The following ABCA12 variants were observed in gnomAD, a reference collection of about 807,000 sequenced individuals.
ABCA12 encodes ATP binding cassette subfamily A member 12, also known as glucosylceramide transporter ABCA12.
ABCA12 carries 156 observed loss-of-function variants against 293.5 expected under a neutral mutation model. The ratio of observed to expected loss-of-function variants is 0.53; its 90% CI spans 0.47 to 0.61. The LOEUF (loss-of-function observed/expected upper bound fraction) is 0.61. Among genes scored for constraint, ABCA12 ranks in the 20% least tolerant of loss-of-function variants. ABCA12 has a pLI of 0.00. For missense variants in ABCA12, 2,797 were observed against 3,090.2 expected, an observed-to-expected ratio of 0.91 and a Z score of 2.25; for synonymous variants, 1,063 against 1,108.0, an observed-to-expected ratio of 0.96 and a Z score of 0.81.
chr2:214,980,629 G>T lies in ABCA12; in HGVS notation c.4594C>A (p.Leu1532Met). The T allele has an allele frequency of 1.9e-6, 3 of 1,614,130 alleles. No homozygotes were observed. Among genetic ancestry groups the T allele is most frequent in the Non-Finnish European group, 2.5e-6 (3 of 1,179,974 alleles). ...SKNKTARTII[L>M]STHHLDEAEV... ...GCCTCGTCCAAGTGGTGCGTTGACA[G>T]AATGATTGTTCTGGCTTGAAAATAC... is the stretch of plus-strand genomic sequence containing the variant. The change falls in exon 31 of 53, where the codon CTG (leucine) becomes ATG (methionine). Residue 1532 changes from leucine to methionine, a missense_variant. Leu to Met is a conservative substitution (Grantham distance 15). Coordinates refer to ENST00000272895, the MANE Select transcript of ABCA12 (RefSeq NM_173076.3).
intron 39 of ABCA12, chr2:214,960,740 T>G (rs540395459): frequency 6.6e-6 from 1 of 152,206 alleles, no homozygotes; most frequent in African/African-American, 2.4e-5. Flanking sequence ...CTGCTTCTAA[T>G]GCAACAAAGT....
At chr2:214,993,586 G>C (rs1041941869) in intron 23 of ABCA12, among the ~76,000 whole-genome samples, 2 of 152,084 alleles carry the variant, frequency 1.3e-5, no homozygotes, top group Non-Finnish European at 2.9e-5. Flanking sequence ...AATTAAGTGG[G>C]GAGTTATGGA....
chr2:214,987,702 C>G lies in ABCA12; in HGVS notation c.3921G>C (p.Lys1307Asn). 2 of 1,614,028 alleles carry G rather than the reference C, an allele frequency of 1.2e-6. No individual in the cohort carries two copies. The highest frequency in any genetic ancestry group is 1.1e-5 in the South Asian group (1 of 91,056). Residue 1307 changes from lysine to asparagine, a missense_variant, in exon 27 of 53, where the codon AAG becomes AAC. By Grantham distance (94) the Lys-to-Asn change is moderately conservative (BLOSUM62 0). Transcript: ENST00000272895. ...RFGCAEVKPEKSNGLMFTNIM... is the reference protein window; with the variant it reads ...RFGCAEVKPENSNGLMFTNIM... ...TGTTAGTAAACATGAGGCCATTGCTCTTCTCAGGCTTCACCTCTGCACACC... is the reference window on the plus strand; with the variant it reads ...TGTTAGTAAACATGAGGCCATTGCTGTTCTCAGGCTTCACCTCTGCACACC...
At chr2:215,075,827 T>C (rs1701823674) in intron 2 of ABCA12, 1 of 452,402 alleles carries the variant, frequency 2.2e-6, no homozygotes, top group African/African-American at 2.0e-5. Context: ...TTGTGTGCTA[T>C]GGTGTAAAAC....
chr2:215,051,280 G>C (rs1008106811), intron 5 of ABCA12, among the ~76,000 whole-genome samples: 1 of 152,080 alleles, frequency 6.6e-6, no homozygotes, highest in African/African-American at 2.4e-5. Flanking sequence ...AAAAACATTA[G>C]AAGCCTCAAA....
At chr2:215,044,559 T>C (rs923347128) in intron 7 of ABCA12, 2 of 152,194 alleles carry the variant, frequency 1.3e-5, no homozygotes, top group Non-Finnish European at 2.9e-5. Context: ...AGGGTTAACA[T>C]AGAGAATCAA....
intron 2 of ABCA12, among the ~76,000 whole-genome samples, chr2:215,073,709 G>A (rs982824577): frequency 1.3e-5 from 2 of 152,214 alleles, no homozygotes; most frequent in Admixed American, 1.3e-4. Flanking sequence ...TGATTGAGGA[G>A]GGAAGTGCTG....
chr2:215,123,015 T>C (rs1308355893), intron 1 of ABCA12, among the ~76,000 whole-genome samples: 2 of 152,212 alleles, frequency 1.3e-5, no homozygotes, highest in Non-Finnish European at 2.9e-5. Context: ...TTTCCACTTA[T>C]AAGTGAGAAC....
intron 2 of ABCA12, among the ~76,000 whole-genome samples, chr2:215,099,191 C>T: frequency 6.6e-6 from 1 of 152,206 alleles, no homozygotes; most frequent in East Asian, 1.9e-4. Flanking sequence ...GTCTTGAGGA[C>T]ACTCAAGTAG....
Position 215,121,681 on chromosome 2 carries a change from T to A in ABCA12, c.70-9991A>T, listed in dbSNP as rs1702807942. On this transcript the variant is annotated intron_variant, in intron 1 of 52. Coordinates refer to ENST00000272895, the MANE Select transcript of ABCA12 (RefSeq NM_173076.3). The stretch of plus-strand genomic sequence containing the variant: ...ATCTCATGTTGAATTGTAGCTCCCA[T>A]AATCCCCATGTGTTGTGGAAGGAAA... Among the ~76,000 whole-genome samples the A allele has an allele frequency of 2.0e-5, 3 of 152,238 alleles. 1 individual carries two copies. The highest frequency in any genetic ancestry group is 7.2e-5 in the African/African-American group (3 of 41,542).
chr2:215,015,836 A>G (rs1700482479), intron 14 of ABCA12, among the ~76,000 whole-genome samples, 173 bp from the exon 15 acceptor site: 2 of 152,240 alleles, frequency 1.3e-5, no homozygotes, highest in Admixed American at 1.3e-4. Flanking sequence ...TAGAGAATTA[A>G]TAGTTCACTT....
At chr2:215,121,253 C>CA (rs1338208047) in intron 1 of ABCA12, among the ~76,000 whole-genome samples, 2 of 152,166 alleles carry the variant, frequency 1.3e-5, no homozygotes, top group Non-Finnish European at 2.9e-5. Flanking sequence ...TAACGCACTA[C>CA]AAAATGGATT....
rs1471687214 is a variant in ABCA12 at position 214,990,993 on chromosome 2, G to A, written c.3333C>T (p.Phe1111=). The change falls in exon 24 of 53, where the codon TTC becomes TTT. Residue 1111 remains phenylalanine (F), a synonymous_variant. Coordinates refer to ENST00000272895, the MANE Select transcript of ABCA12 (RefSeq NM_173076.3). ...KMMGVNSCSH[F]FAWLIESVGF... ...CAACACTCTCTATAAGCCAGGCAAA[G>A]AAATGGCTGCAGGAGTTCACACCCA... The A allele has an allele frequency of 1.2e-6, 2 of 1,614,028 alleles. No individual in the cohort carries two copies. The highest frequency in any genetic ancestry group is 1.1e-5 in the South Asian group (1 of 91,086).
At position 214,983,879 on chromosome 2, in the gene ABCA12, A is replaced by G. The variant is rs1005915285; in HGVS notation, c.4164-14T>C. The stretch of plus-strand genomic sequence containing the variant: ...GTTAACATGGAACTGGAAATGAAGA[A>G]ATGATAAATTAGGTATAAGCCAAGC... On this transcript the variant is annotated splice_polypyrimidine_tract_variant and intron_variant, in intron 28 of 52. Coordinates refer to ENST00000272895, the MANE Select transcript of ABCA12 (RefSeq NM_173076.3). 8.1e-6 allele frequency: 13 copies of G among 1,610,850 alleles called. No individual in the cohort carries two copies. Among genetic ancestry groups the G allele is most frequent in the Non-Finnish European group, 1.1e-5 (13 of 1,177,924 alleles).
intron 47 of ABCA12, 124 bp downstream of exon 47, chr2:214,948,472 T>A: frequency 9.7e-7 from 1 of 1,033,618 alleles, no homozygotes; most frequent in Non-Finnish European, 1.4e-6. Flanking sequence ...AAAATGACAA[T>A]GTTTTCCAGG....
chr2:215,130,530 T>C (rs759545658), intron 1 of ABCA12, among the ~76,000 whole-genome samples: 4 of 152,132 alleles, frequency 2.6e-5, no homozygotes, highest in Admixed American at 1.3e-4. Flanking sequence ...CTCAGATATA[T>C]CATTGTTGGT....
At chr2:215,050,840 G>A (rs2106055638) in intron 5 of ABCA12, 1 of 985,110 alleles carries the variant, frequency 1.0e-6, no homozygotes, top group African/African-American at 1.7e-5. Flanking sequence ...GCAGAAAGCA[G>A]TAAAGAGAAA....
chr2:215,099,824 T>A (rs150798546), intron 2 of ABCA12, among the ~76,000 whole-genome samples: 222 of 152,210 alleles, frequency 1.5e-3, no homozygotes, highest in African/African-American at 5.2e-3. Flanking sequence ...GATATAAACA[T>A]CTGGATGGAT....
intron 2 of ABCA12, among the ~76,000 whole-genome samples, chr2:215,073,651 T>C (rs1333002716): frequency 6.6e-6 from 1 of 152,130 alleles, no homozygotes; most frequent in African/African-American, 2.4e-5. Flanking sequence ...CCTGGAGGAA[T>C]GGTACACTGG....
Sources: allele counts gnomAD v4.1 joint callset (sites outside exome capture counted in the v4.1 genomes callset), GRCh38; gene constraint gnomAD v4.1.1; transcripts MANE v1.5; gene names NCBI Gene and HGNC (gene_info 2026-07-23, HGNC 2026-07-21).